Variants in KIAA1549L observed in about 807,000 individuals in gnomAD.
The protein encoded by KIAA1549L is UPF0606 protein KIAA1549L.
A neutral mutation model predicts 160.7 loss-of-function variants in KIAA1549L; 88 were observed. The observed-to-expected ratio is 0.55, with a 90% CI of 0.46 to 0.65. The LOEUF (loss-of-function observed/expected upper bound fraction) is 0.65, where lower values mean the gene tolerates loss of function less well. Among genes scored for constraint, KIAA1549L ranks in the 30% least tolerant of loss-of-function variants. KIAA1549L has a pLI of 0.00. For synonymous variants in KIAA1549L, 950 were observed against 976.7 expected, an observed-to-expected ratio of 0.97 and a Z score of 0.51; for missense variants, 2,258 against 2,437.5, an observed-to-expected ratio of 0.93 and a Z score of 1.55.
intron 16 of KIAA1549L, among the ~76,000 whole-genome samples, chr11:33,634,195 A>G (rs777160278): frequency 6.6e-6 from 1 of 152,152 alleles, no homozygotes; most frequent in Non-Finnish European, 1.5e-5. Context: ...AGCATGCACC[A>G]CCATGCCCAG....
chr11:33,541,502 T>G (rs1380491649), intron 1 of KIAA1549L, among the ~76,000 whole-genome samples: 1 of 152,224 alleles, frequency 6.6e-6, no homozygotes, highest in Non-Finnish European at 1.5e-5. Context: ...GCTTTGCAAG[T>G]TTCACAGTCC....
chr11:33,402,487 C>T (rs1039181133), intron 1 of KIAA1549L, among the ~76,000 whole-genome samples: 3 of 152,212 alleles, frequency 2.0e-5, no homozygotes, highest in African/African-American at 7.2e-5. Context: ...AGTCTGTCCT[C>T]CAGGGCTCTT....
intron 1 of KIAA1549L, among the ~76,000 whole-genome samples, chr11:33,539,412 A>G (rs1378578313): frequency 6.6e-6 from 1 of 152,208 alleles, no homozygotes; most frequent in East Asian, 1.9e-4. Flanking sequence ...CTTTCTGAAT[A>G]GGTTAGGGTA....
intron 1 of KIAA1549L, among the ~76,000 whole-genome samples, chr11:33,536,503 GGA>G (rs151057494): frequency 1.3e-5 from 2 of 152,194 alleles, no homozygotes; most frequent in East Asian, 1.9e-4. Flanking sequence ...CTGGCTTCCA[GGA>G]GAGAGAGAGG....
chr11:33,517,810 A>C (rs1853383361), intron 1 of KIAA1549L, among the ~76,000 whole-genome samples: 1 of 152,064 alleles, frequency 6.6e-6, no homozygotes, highest in South Asian at 2.1e-4. Flanking sequence ...TCAGGAGCAA[A>C]AGGAGTGGAA....
chr11:33,559,783 C>T lies in KIAA1549L; in HGVS notation c.3890C>T (p.Thr1297Ile), dbSNP rs780896033. The T allele has an allele frequency of 2.5e-6, 4 of 1,614,026 alleles. No homozygotes were observed. The highest frequency in any genetic ancestry group is 1.1e-5 in the South Asian group (1 of 91,086). Residue 1297 changes from threonine to isoleucine, a missense_variant, in exon 7 of 21, where the codon ACC becomes ATC. This residue lies in a region of KIAA1549L where 1,359 missense variants were observed against 1,546.6 expected (regional missense o/e 0.88). Transcript: ENST00000658780. ...ACGTCCAATGCCTCCCAGGCAGTCACCTTGGTGTACGTCGTGGGCAATCAG... is the reference window on the plus strand; with the variant it reads ...ACGTCCAATGCCTCCCAGGCAGTCATCTTGGTGTACGTCGTGGGCAATCAG... ...VSTSNASQAV[T>I]LVYVVGNQST... is the part of the protein sequence containing the mutation.
At chr11:33,647,113 G>A (rs1484403374) in intron 17 of KIAA1549L, among the ~76,000 whole-genome samples, 1 of 152,170 alleles carries the variant, frequency 6.6e-6, no homozygotes, top group Non-Finnish European at 1.5e-5. Context: ...GGTTGGACAT[G>A]GTGGCTCACA....
chr11:33,417,085 C>T (rs1336757593), intron 1 of KIAA1549L, among the ~76,000 whole-genome samples: 2 of 152,188 alleles, frequency 1.3e-5, no homozygotes, highest in African/African-American at 4.8e-5. Context: ...TGTGGCTATT[C>T]AGCTCTTGAA....
chr11:33,574,501 CAAA>C (rs1855376211), intron 9 of KIAA1549L, among the ~76,000 whole-genome samples, 198 bp from the exon 10 acceptor site: 1 of 152,206 alleles, frequency 6.6e-6, no homozygotes, highest in Non-Finnish European at 1.5e-5. Flanking sequence ...TCGTATTTTT[CAAA>C]CCTTTTTTCT....
intron 1 of KIAA1549L, among the ~76,000 whole-genome samples, chr11:33,497,059 A>G (rs765312054): frequency 6.6e-6 from 1 of 152,030 alleles, no homozygotes; most frequent in Non-Finnish European, 1.5e-5. Context: ...GGTAGCTCCA[A>G]TGTCACCTCT....
chr11:33,462,329 G>A (rs942439130), intron 1 of KIAA1549L, among the ~76,000 whole-genome samples: 7 of 152,180 alleles, frequency 4.6e-5, no homozygotes, highest in Non-Finnish European at 1.0e-4. Context: ...ATGGAAAATG[G>A]TCTTCATTAG....
At chr11:33,557,673 G>T (rs56759712) in intron 6 of KIAA1549L, among the ~76,000 whole-genome samples, 1 of 152,252 alleles carries the variant, frequency 6.6e-6, no homozygotes, top group African/African-American at 2.4e-5. Context: ...GATCATTTGA[G>T]CCCAGGAATT....
intron 1 of KIAA1549L, among the ~76,000 whole-genome samples, chr11:33,523,876 A>C (rs1853553135): frequency 1.3e-5 from 2 of 152,240 alleles, no homozygotes; most frequent in African/African-American, 4.8e-5. Context: ...GGTCTTCCTC[A>C]TGCCTCCTTC....
chr11:33,464,320 C>G (rs77950807), intron 1 of KIAA1549L, among the ~76,000 whole-genome samples: 3 of 152,176 alleles, frequency 2.0e-5, no homozygotes, highest in East Asian at 1.9e-4. Flanking sequence ...AAACCCTTGT[C>G]CCTTGGTTGC....
intron 1 of KIAA1549L, among the ~76,000 whole-genome samples, chr11:33,462,860 G>A (rs757478908): frequency 7.3e-5 from 11 of 150,840 alleles, no homozygotes; most frequent in East Asian, 1.9e-4. Flanking sequence ...TTTTTGGTAC[G>A]GTCTTCCTCT....
chr11:33,630,793 C>G (rs561877159), intron 16 of KIAA1549L, among the ~76,000 whole-genome samples: 1 of 152,340 alleles, frequency 6.6e-6, no homozygotes, highest in South Asian at 2.1e-4. Context: ...ATTTGGCCAT[C>G]TTGGCTCCTC....
chr11:33,403,505 GACACACATGGACAGACACGCAGACAC>G (rs1850579762), intron 1 of KIAA1549L: 1 of 138,808 alleles, frequency 7.2e-6, no homozygotes, highest in Admixed American at 7.1e-5. Flanking sequence ...TAGACACACA[GACACACATGGACAGACACGCAGACAC>G]ACACACGCAC....
intron 12 of KIAA1549L, among the ~76,000 whole-genome samples, chr11:33,597,942 A>T (rs1850245991): frequency 6.6e-6 from 1 of 152,154 alleles, no homozygotes; most frequent in East Asian, 1.9e-4. Context: ...GCAGCCACCA[A>T]ATCAGTGGCT....
intron 1 of KIAA1549L, among the ~76,000 whole-genome samples, chr11:33,387,240 G>A (rs553207015): frequency 6.2e-4 from 94 of 152,128 alleles, no homozygotes; most frequent in African/African-American, 2.1e-3. Context: ...GATCCCTCAA[G>A]GATTTCTTTA....
Sources: allele counts gnomAD v4.1 joint callset (sites outside exome capture counted in the v4.1 genomes callset), GRCh38; gene constraint gnomAD v4.1.1; regional missense constraint gnomAD v4.1.1; transcripts MANE v1.5; gene names NCBI Gene and HGNC (gene_info 2026-07-23, HGNC 2026-07-21).